The following SNTG1 variants were observed in gnomAD, a reference collection of about 807,000 sequenced individuals.
The protein encoded by SNTG1 is gamma-1-syntrophin.
Under a neutral mutation model 74.7 loss-of-function variants are expected in SNTG1, and 39 were observed. The observed-to-expected ratio is 0.52, with a 90% CI of 0.40 to 0.68. The LOEUF is 0.68. Among genes scored for constraint, SNTG1 ranks in the 30% least tolerant of loss-of-function variants. The pLI is 0.00. For synonymous variants in SNTG1, 254 were observed against 217.1 expected, an observed-to-expected ratio of 1.17 and a Z score of -1.49; for missense variants, 685 against 609.5, an observed-to-expected ratio of 1.12 and a Z score of -1.30.
intron 1 of SNTG1, among the ~76,000 whole-genome samples, chr8:50,100,661 G>C (rs1244848331): frequency 1.3e-5 from 2 of 152,092 alleles, no homozygotes; most frequent in Non-Finnish European, 2.9e-5. Flanking sequence ...TCTTTGAAGA[G>C]AAGCTTGTTA....
intron 9 of SNTG1, among the ~76,000 whole-genome samples, chr8:50,519,663 GACAA>G (rs2094163170): frequency 6.6e-6 from 1 of 152,068 alleles, no homozygotes; most frequent in African/African-American, 2.4e-5. Context: ...ACCATTAATA[GACAA>G]ACAGAGAGCC....
At chr8:50,752,144 T>G (rs1045797532) in intron 18 of SNTG1, 33 bp downstream of exon 18, 31 of 1,198,538 alleles carry the variant, frequency 2.6e-5, no homozygotes, top group Non-Finnish European at 3.4e-5. Flanking sequence ...ATAACACCTC[T>G]AACTACATTA....
intron 15 of SNTG1, among the ~76,000 whole-genome samples, chr8:50,684,691 G>A (rs1585520670): frequency 6.8e-6 from 1 of 147,540 alleles, no homozygotes; most frequent in South Asian, 2.1e-4. Context: ...TCCCTTTGAA[G>A]TTGCACAACA....
At chr8:50,380,495 A>G (rs995355846) in intron 2 of SNTG1, among the ~76,000 whole-genome samples, 3 of 152,350 alleles carry the variant, frequency 2.0e-5, no homozygotes, top group Admixed American at 2.0e-4. Flanking sequence ...CAGAGTAAGC[A>G]GAACATTATA....
intron 1 of SNTG1, among the ~76,000 whole-genome samples, chr8:50,112,425 A>G (rs2080628040): frequency 6.6e-6 from 1 of 151,932 alleles, no homozygotes; most frequent in Non-Finnish European, 1.5e-5. Flanking sequence ...CTAAGAATGC[A>G]GGTGTAAAAA....
At chr8:50,786,276 G>T (rs1342731740) in intron 18 of SNTG1, among the ~76,000 whole-genome samples, 1 of 151,758 alleles carries the variant, frequency 6.6e-6, no homozygotes, top group South Asian at 2.1e-4. Context: ...ATTTATAACA[G>T]TATCAAAAAA....
intron 15 of SNTG1, among the ~76,000 whole-genome samples, chr8:50,693,952 G>A (rs973997876): frequency 3.3e-5 from 5 of 151,990 alleles, no homozygotes; most frequent in African/African-American, 1.2e-4. Context: ...ATGGGATACA[G>A]AAAAGCAAAT....
chr8:50,516,418 A>G (rs536647564), intron 9 of SNTG1, among the ~76,000 whole-genome samples: 3 of 152,182 alleles, frequency 2.0e-5, no homozygotes, highest in Non-Finnish European at 4.4e-5. Flanking sequence ...CTCACCAGCA[A>G]GGGAACAAAA....
At chr8:50,400,001 TAA>T (rs1234852754) in intron 3 of SNTG1, among the ~76,000 whole-genome samples, 2 of 152,256 alleles carry the variant, frequency 1.3e-5, no homozygotes, top group South Asian at 2.1e-4. Context: ...TAGAATAATA[TAA>T]GAGTGTATAT....
intron 12 of SNTG1, among the ~76,000 whole-genome samples, chr8:50,576,340 C>T (rs551929253): frequency 4.6e-5 from 7 of 152,128 alleles, no homozygotes; most frequent in East Asian, 1.9e-4. Flanking sequence ...TCTATGTGCC[C>T]GTTTTTAGAC....
At chr8:49,921,881 A>G (rs1188617298) in intron 1 of SNTG1, among the ~76,000 whole-genome samples, 2 of 152,152 alleles carry the variant, frequency 1.3e-5, no homozygotes, top group African/African-American at 4.8e-5. Context: ...CTGAGAATTG[A>G]CTGAGTTCTC....
intron 1 of SNTG1, among the ~76,000 whole-genome samples, chr8:50,029,668 T>C (rs557764940): frequency 6.6e-6 from 1 of 152,152 alleles, no homozygotes; most frequent in African/African-American, 2.4e-5. Flanking sequence ...ATGTTGCAAA[T>C]GACATGATTC....
At chr8:50,035,382 T>C (rs1392756116) in intron 1 of SNTG1, among the ~76,000 whole-genome samples, 1 of 152,284 alleles carries the variant, frequency 6.6e-6, no homozygotes, top group African/African-American at 2.4e-5. Context: ...TCAAAGCTAC[T>C]TACCTCTCCC....
At chr8:50,506,686 ATTAGAT>A (rs2094009595) in intron 9 of SNTG1, among the ~76,000 whole-genome samples, 1 of 152,028 alleles carries the variant, frequency 6.6e-6, no homozygotes, top group Non-Finnish European at 1.5e-5. Context: ...AAACTTGTTT[ATTAGAT>A]CTAACATTTT....
chr8:50,132,145 C>G (rs2081338047), intron 1 of SNTG1, among the ~76,000 whole-genome samples: 1 of 151,958 alleles, frequency 6.6e-6, no homozygotes, highest in Admixed American at 6.6e-5. Context: ...CTCAAAATTG[C>G]TTTTGCTATT....
Position 50,575,080 on chromosome 8 carries a change from CTG to C in SNTG1, c.811-15796_811-15795del, listed in dbSNP as rs201751151. Among the ~76,000 whole-genome samples the C allele has an allele frequency of 5.4e-3, 816 of 152,234 alleles. 7 individuals are homozygous for C. Among genetic ancestry groups the C allele is most frequent in the African/African-American group, 0.018 (755 of 41,544 alleles). On this transcript the variant is annotated intron_variant, in intron 12 of 18. Transcript: ENST00000642720. ...TGTTTGGTCATGTTTGTTTGGCACT[CTG>C]TGCACTAGGTACTGAGTGTGGTGGT...
At chr8:50,249,630 T>C (rs1373933785) in intron 2 of SNTG1, among the ~76,000 whole-genome samples, 1 of 152,192 alleles carries the variant, frequency 6.6e-6, no homozygotes. Context: ...TACCAATGAC[T>C]AGTCCACCAC....
At chr8:50,165,594 T>C (rs966092796) in intron 1 of SNTG1, among the ~76,000 whole-genome samples, 9 of 152,318 alleles carry the variant, frequency 5.9e-5, no homozygotes, top group Admixed American at 3.3e-4. Context: ...CGGACACTCA[T>C]CGACCATGTT....
At chr8:50,545,576 C>T (rs2094381456) in intron 11 of SNTG1, among the ~76,000 whole-genome samples, 1 of 148,840 alleles carries the variant, frequency 6.7e-6, no homozygotes, top group Non-Finnish European at 1.5e-5. Flanking sequence ...TGAAAGTACT[C>T]AATAAATATT....
Sources: gnomAD v4.1 joint callset for allele counts (sites outside exome capture counted in the v4.1 genomes callset) on GRCh38, gnomAD v4.1.1 for gene constraint, MANE v1.5 for transcripts, NCBI Gene and HGNC (gene_info 2026-07-23, HGNC 2026-07-21) for gene names.